XPNPEP3: variants seen among roughly 807,000 people sequenced by gnomAD.
XPNPEP3 encodes X-prolyl aminopeptidase 3.
XPNPEP3 carries 41 observed loss-of-function variants against 60.0 expected under a neutral mutation model. That is an observed-to-expected ratio of 0.68 (90% CI 0.53 to 0.89). The LOEUF (loss-of-function observed/expected upper bound fraction) is 0.89. Ranked by LOEUF, XPNPEP3 falls within the 40% of genes least tolerant of loss-of-function variation. The pLI is 0.00. For missense variants in XPNPEP3, 598 were observed against 638.9 expected (o/e 0.94, Z 0.69); for synonymous variants, 212 against 223.2 (o/e 0.95, Z 0.45).
intron 4 of XPNPEP3, among the ~76,000 whole-genome samples, chr22:40,901,660 A>C (rs1421996749): frequency 6.6e-6 from 1 of 151,968 alleles, no homozygotes; most frequent in Non-Finnish European, 1.5e-5. Flanking sequence ...TTTTTTGTGA[A>C]GACTGGGTTT....
intron 2 of XPNPEP3, among the ~76,000 whole-genome samples, chr22:40,873,791 T>A (rs1402546156): frequency 2.0e-5 from 3 of 151,938 alleles, no homozygotes; most frequent in Non-Finnish European, 4.4e-5. Flanking sequence ...AGCAAGACCG[T>A]CTCAAAAATA....
chr22:40,909,906 C>T (rs2058171005), intron 6 of XPNPEP3, among the ~76,000 whole-genome samples: 1 of 151,972 alleles, frequency 6.6e-6, no homozygotes, highest in South Asian at 2.1e-4. Context: ...TCTCTGAGGA[C>T]TTGCGGCAAC....
chr22:40,907,885 A>C (rs567038226), intron 5 of XPNPEP3, among the ~76,000 whole-genome samples: 4 of 152,164 alleles, frequency 2.6e-5, no homozygotes, highest in Admixed American at 6.5e-5. Context: ...TAGCAATGTG[A>C]GGTGACAAAA....
chr22:40,905,376 G>A (rs1314010506), intron 4 of XPNPEP3, among the ~76,000 whole-genome samples: 1 of 152,076 alleles, frequency 6.6e-6, no homozygotes. Flanking sequence ...ACCACACCCG[G>A]CCCCTTTAAT....
intron 2 of XPNPEP3, chr22:40,870,419 A>G (rs1430402909): frequency 5.7e-6 from 1 of 176,404 alleles, no homozygotes; most frequent in Non-Finnish European, 1.2e-5. Context: ...AAATATGTAC[A>G]CGTATATGTT....
chr22:40,910,551 C>T (rs763155179), intron 6 of XPNPEP3, among the ~76,000 whole-genome samples: 1 of 151,228 alleles, frequency 6.6e-6, no homozygotes, highest in Non-Finnish European at 1.5e-5. Context: ...CAAAAAAATA[C>T]AAAAATGAAC....
chr22:40,886,250 A>T, intron 3 of XPNPEP3, 63 bp from the exon 4 acceptor site: 2 of 1,530,350 alleles, frequency 1.3e-6, no homozygotes, highest in Non-Finnish European at 1.8e-6. Context: ...TCGTTATGAC[A>T]GTTGATATTT....
intron 4 of XPNPEP3, among the ~76,000 whole-genome samples, chr22:40,897,654 C>T (rs2058114202): frequency 6.6e-6 from 1 of 152,020 alleles, no homozygotes; most frequent in Non-Finnish European, 1.5e-5. Flanking sequence ...TTTGAGAAAC[C>T]ACCATATAGT....
At chr22:40,861,651 G>A (rs755649100) in intron 1 of XPNPEP3, 4 of 1,613,930 alleles carry the variant, frequency 2.5e-6, no homozygotes, top group Non-Finnish European at 2.5e-6. Context: ...GTCCTCAAGC[G>A]AGTCTTCAAA....
intron 1 of XPNPEP3, chr22:40,862,799 C>T (rs796438403): frequency 3.1e-6 from 3 of 979,294 alleles, no homozygotes; most frequent in South Asian, 4.7e-5. Flanking sequence ...TGATTGTCTA[C>T]TTTGTGCCAG....
Position 40,882,159 on chromosome 22 carries a change from C to A in XPNPEP3, c.571C>A (p.Leu191Ile), listed in dbSNP as rs778793287. ...CTATACGCTAGAAGAATTTCAACAT[C>A]TTCTACCAAAAATGAAAGGTAACAA... is the stretch of plus-strand genomic sequence containing the variant. ...EAYTLEEFQH[L>I]LPKMKAETNM... The change falls in exon 3 of 10, where the codon CTT (leucine) becomes ATT (isoleucine). Residue 191 changes from leucine to isoleucine, a missense_variant. Coordinates refer to ENST00000357137, the MANE Select transcript of XPNPEP3 (RefSeq NM_022098.4). 6.2e-7 allele frequency: 1 copy of A among 1,614,026 alleles called. No homozygotes were observed. The highest frequency in any genetic ancestry group is 1.3e-5 in the African/African-American group (1 of 74,906).
intron 4 of XPNPEP3, among the ~76,000 whole-genome samples, chr22:40,887,767 C>T (rs913659945): frequency 2.0e-5 from 3 of 151,876 alleles, no homozygotes; most frequent in African/African-American, 7.3e-5. Flanking sequence ...TTTTTGGTCA[C>T]ATAATCATAT....
intron 4 of XPNPEP3, among the ~76,000 whole-genome samples, chr22:40,895,689 C>T (rs2058105145): frequency 6.6e-6 from 1 of 152,106 alleles, no homozygotes; most frequent in South Asian, 2.1e-4. Context: ...GAATTATAGA[C>T]TTGAACCCTG....
At chr22:40,873,546 C>T (rs1003856658) in intron 2 of XPNPEP3, among the ~76,000 whole-genome samples, 5 of 151,968 alleles carry the variant, frequency 3.3e-5, no homozygotes, top group Admixed American at 6.6e-5. Flanking sequence ...AAGCCAGGTG[C>T]GGTGGCTCAC....
chr22:40,919,512 G>A (rs1270523915), intron 7 of XPNPEP3, among the ~76,000 whole-genome samples: 4 of 152,100 alleles, frequency 2.6e-5, no homozygotes, highest in African/African-American at 9.7e-5. Flanking sequence ...TTATAGGCAC[G>A]TGCCACCATG....
intron 1 of XPNPEP3, chr22:40,860,634 C>A (rs1174303192): frequency 3.9e-6 from 5 of 1,290,856 alleles, no homozygotes; most frequent in East Asian, 2.6e-5. Flanking sequence ...AAGTAAAAAA[C>A]TCATTGCAGT....
rs565485130 is a variant in XPNPEP3, at chr22:40,907,313, C to T, written c.793-274C>T. 1,316 of 418,290 alleles carry T rather than the reference C, an allele frequency of 3.1e-3. 8 individuals carry two copies. Among genetic ancestry groups the T allele is most frequent in the South Asian group, 4.6e-3 (234 of 51,242 alleles). 25.9% of individuals were successfully genotyped at this position (418,290 alleles called of 1,614,324 possible). On this transcript the variant is annotated intron_variant, in intron 4 of 9. Coordinates refer to ENST00000357137, the MANE Select transcript of XPNPEP3 (RefSeq NM_022098.4). ...GCGGGCGCCTGTAGTCCCAGCTACT[C>T]GAGAGGCTGAGGCAGGAGAATGGCG...
chr22:40,875,509 G>A (rs1036694820), intron 2 of XPNPEP3, among the ~76,000 whole-genome samples: 2 of 152,072 alleles, frequency 1.3e-5, no homozygotes, highest in Non-Finnish European at 2.9e-5. Flanking sequence ...ATTTATAGAT[G>A]AATAAACCTG....
At chr22:40,915,239 A>G (rs960683882) in intron 7 of XPNPEP3, among the ~76,000 whole-genome samples, 3 of 151,962 alleles carry the variant, frequency 2.0e-5, no homozygotes, top group African/African-American at 4.8e-5. Flanking sequence ...TTTCGTAGAG[A>G]TGGGATTTCA....
Sources: allele counts gnomAD v4.1 joint callset (sites outside exome capture counted in the v4.1 genomes callset), GRCh38; gene constraint gnomAD v4.1.1; transcripts MANE v1.5; gene names NCBI Gene and HGNC (gene_info 2026-07-23, HGNC 2026-07-21).